Variants in CPNE4 observed in about 807,000 individuals in gnomAD.
The protein encoded by CPNE4 is copine 4, also known as copine-4.
In CPNE4, 25 loss-of-function variants were observed where a neutral mutation model predicts 67.9. The observed-to-expected ratio is 0.37, with a 90% CI of 0.27 to 0.51. CPNE4 has a LOEUF of 0.51. Ranked by LOEUF, CPNE4 falls within the 20% of genes least tolerant of loss-of-function variation. The probability of loss-of-function intolerance (pLI) is 0.93; values close to 1 mark genes in which losing one functional copy is unlikely to be tolerated. For missense variants in CPNE4, 464 were observed against 690.8 expected (o/e 0.67, Z 3.68); for synonymous variants, 242 against 244.9 (o/e 0.99, Z 0.11).
At chr3:131,963,340 C>A (rs573877573) in intron 1 of CPNE4, among the ~76,000 whole-genome samples, 13 of 152,002 alleles carry the variant, frequency 8.6e-5, no homozygotes, top group Non-Finnish European at 1.5e-4. Flanking sequence ...GAGCTAGCTG[C>A]AGTTTTTTTT....
intron 8 of CPNE4, among the ~76,000 whole-genome samples, chr3:131,587,276 C>T (rs1247572837): frequency 1.3e-5 from 2 of 152,114 alleles, no homozygotes; most frequent in South Asian, 2.1e-4. Flanking sequence ...GAAACTGTAA[C>T]GTTTGGGGTC....
chr3:131,680,839 C>A (rs114875343), intron 6 of CPNE4, among the ~76,000 whole-genome samples: 1 of 151,992 alleles, frequency 6.6e-6, no homozygotes, highest in African/African-American at 2.4e-5. Context: ...CTTTCCCCTG[C>A]GTCCCCACAG....
At chr3:131,964,505 T>A (rs2072284283) in intron 1 of CPNE4, among the ~76,000 whole-genome samples, 1 of 151,874 alleles carries the variant, frequency 6.6e-6, no homozygotes, top group African/African-American at 2.4e-5. Context: ...CTAACTAGAA[T>A]AACCAGTTTA....
intron 1 of CPNE4, among the ~76,000 whole-genome samples, chr3:131,941,652 G>A (rs78977130): frequency 6.6e-6 from 1 of 151,992 alleles, no homozygotes; most frequent in Non-Finnish European, 1.5e-5. Context: ...TCAATAAAAG[G>A]CTAAAGAATG....
At chr3:131,752,843 T>C (rs2082663982) in intron 2 of CPNE4, among the ~76,000 whole-genome samples, 1 of 152,070 alleles carries the variant, frequency 6.6e-6, no homozygotes, top group Non-Finnish European at 1.5e-5. Context: ...AGTATACGAA[T>C]TTAGTGCAAT....
At chr3:131,623,472 G>C (rs1382508717) in intron 7 of CPNE4, among the ~76,000 whole-genome samples, 1 of 152,180 alleles carries the variant, frequency 6.6e-6, no homozygotes, top group African/African-American at 2.4e-5. Context: ...AGTCACAAGA[G>C]AGTTTCTCAA....
intron 2 of CPNE4, among the ~76,000 whole-genome samples, chr3:131,830,952 A>G (rs1201495480): frequency 6.6e-6 from 1 of 152,150 alleles, no homozygotes; most frequent in East Asian, 1.9e-4. Context: ...TAACTTCAGT[A>G]TGGAAACTTT....
intron 1 of CPNE4, among the ~76,000 whole-genome samples, chr3:132,001,403 T>C (rs1010297211): frequency 3.3e-5 from 5 of 151,432 alleles, no homozygotes; most frequent in African/African-American, 1.2e-4. Context: ...ATATGACAAA[T>C]GAAATGATAA....
At chr3:131,702,156 A>G (rs1029128487) in intron 3 of CPNE4, among the ~76,000 whole-genome samples, 10 of 152,174 alleles carry the variant, frequency 6.6e-5, no homozygotes, top group Middle Eastern at 6.3e-3. Flanking sequence ...TTTCTGTAAA[A>G]AAATCACCTG....
intron 7 of CPNE4, among the ~76,000 whole-genome samples, chr3:131,667,826 C>T (rs997970048): frequency 2.0e-5 from 3 of 152,064 alleles, no homozygotes; most frequent in Non-Finnish European, 4.4e-5. Flanking sequence ...CTTTTATCCT[C>T]CTCATAAAAA....
intron 2 of CPNE4, among the ~76,000 whole-genome samples, chr3:131,750,601 T>C (rs2082602071): frequency 6.6e-6 from 1 of 152,160 alleles, no homozygotes; most frequent in East Asian, 1.9e-4. Context: ...CTGTTTATAA[T>C]AGAATTGTCT....
At position 131,769,891 on chromosome 3, in the gene CPNE4, A is replaced by AT. The variant is rs1170850603; in HGVS notation, c.181-46267dup. Among the ~76,000 whole-genome samples, 5 of 152,062 alleles carry AT rather than the reference A, an allele frequency of 3.3e-5. No homozygotes were observed. The East Asian group carries it at 5.8e-4, about 18-fold the overall frequency. ...ACATAACTTATTTTCTCTTATCTAC[A>AT]TTTTTTTGGCTAATGGGATAAAATT... On this transcript the variant is annotated intron_variant, in intron 2 of 15. Transcript: ENST00000429747.
chr3:132,037,643 A>T (rs1284788318), upstream of CPNE4: 14 of 1,527,736 alleles, frequency 9.2e-6, no homozygotes, highest in Non-Finnish European at 1.8e-6. Context: ...CCACAAAGTC[A>T]CTGTGGCCCT....
At chr3:131,551,239 C>T (rs1158837909) in intron 13 of CPNE4, among the ~76,000 whole-genome samples, 2 of 152,070 alleles carry the variant, frequency 1.3e-5, no homozygotes, top group Non-Finnish European at 2.9e-5. Flanking sequence ...ATTGGCAATC[C>T]TGCACCCACT....
chr3:131,977,836 C>T (rs1230525931), intron 1 of CPNE4, among the ~76,000 whole-genome samples: 1 of 151,352 alleles, frequency 6.6e-6, no homozygotes, highest in Non-Finnish European at 1.5e-5. Context: ...ATCCCCCTCC[C>T]ACTCTTCCTC....
chr3:132,010,004 C>A (rs1472690741), intron 1 of CPNE4, among the ~76,000 whole-genome samples: 1 of 152,178 alleles, frequency 6.6e-6, no homozygotes, highest in African/African-American at 2.4e-5. Context: ...TAAGGAAGTG[C>A]CCTCTTTGCC....
intron 2 of CPNE4, among the ~76,000 whole-genome samples, chr3:131,801,884 C>CAA (rs766283450): frequency 2.3e-5 from 1 of 44,438 alleles, no homozygotes; most frequent in African/African-American, 7.4e-5. Context: ...AGCCAAATGC[C>CAA]AAAAAAAAAA....
chr3:131,973,781 T>A (rs1209300702), intron 1 of CPNE4, among the ~76,000 whole-genome samples: 3 of 152,210 alleles, frequency 2.0e-5, no homozygotes, highest in African/African-American at 7.2e-5. Context: ...ATCTCTAAGG[T>A]CAATTTAATT....
At chr3:131,562,466 T>G (rs1271246490) in intron 11 of CPNE4, among the ~76,000 whole-genome samples, 1 of 152,084 alleles carries the variant, frequency 6.6e-6, no homozygotes, top group African/African-American at 2.4e-5. Flanking sequence ...ATCTACTGTT[T>G]GACATTTGTG....
Sources: gnomAD v4.1 joint callset for allele counts (sites outside exome capture counted in the v4.1 genomes callset) on GRCh38, gnomAD v4.1.1 for gene constraint, MANE v1.5 for transcripts, NCBI Gene and HGNC (gene_info 2026-07-23, HGNC 2026-07-21) for gene names.